The following RBPJ variants were observed in gnomAD, a reference collection of about 807,000 sequenced individuals.
RBPJ encodes the protein recombination signal binding protein for immunoglobulin kappa J region, also known as recombining binding protein suppressor of hairless.
In RBPJ, 9 loss-of-function variants were observed where a neutral mutation model predicts 67.8. The ratio of observed to expected loss-of-function variants is 0.13; its 90% CI spans 0.08 to 0.23. The LOEUF is 0.23. Ranked by LOEUF, RBPJ falls within the 10% of genes least tolerant of loss-of-function variation. RBPJ has a pLI of 1.00. For missense variants in RBPJ, 305 were observed against 595.6 expected (o/e 0.51, Z 5.08); for synonymous variants, 198 against 203.3 (o/e 0.97, Z 0.22).
At chr4:26,255,399 G>A (rs1264922791) in intron 1 of RBPJ, among the ~76,000 whole-genome samples, 6 of 68,496 alleles carry the variant, frequency 8.8e-5, no homozygotes, top group Non-Finnish European at 1.2e-4. Flanking sequence ...GCGAGACTCC[G>A]TCTCAAAAAA....
rs1718072022 is a variant in RBPJ, at chr4:26,203,770, G to A, written c.-167+40156G>A. On this transcript the variant is annotated intron_variant, in intron 1 of 4. Transcript: ENST00000512351. The stretch of plus-strand genomic sequence containing the variant: ...TGATCAGCAGCAATGGGGCCACGGA[G>A]GTTGGCCTTTAAGTAATTGCTTCAT... 2.0e-5 allele frequency among the ~76,000 whole-genome samples: 3 copies of A among 152,196 alleles called. 1 individual carries two copies. Among genetic ancestry groups the A allele is most frequent in the Admixed American group, 1.3e-4 (2 of 15,282 alleles).
intron 1 of RBPJ, among the ~76,000 whole-genome samples, chr4:26,210,779 C>CTT (rs1312687383): frequency 1.1e-5 from 1 of 90,050 alleles, no homozygotes; most frequent in Non-Finnish European, 2.4e-5. Flanking sequence ...TTCTTTCTTT[C>CTT]TTTCTTTCTT....
chr4:26,355,421 T>C (rs1169810903), intron 1 of RBPJ, among the ~76,000 whole-genome samples: 1 of 149,478 alleles, frequency 6.7e-6, no homozygotes, highest in East Asian at 2.0e-4. Context: ...AAGGCCAAGG[T>C]AGGATTGCAT....
chr4:26,319,082 T>C (rs1166565257), upstream of RBPJ, among the ~76,000 whole-genome samples: 1 of 150,146 alleles, frequency 6.7e-6, no homozygotes, highest in East Asian at 2.0e-4. Flanking sequence ...GTAAGCGAAG[T>C]AGTGGCCAGA....
At chr4:26,270,617 G>A (rs1226144801) in intron 1 of RBPJ, among the ~76,000 whole-genome samples, 3 of 151,900 alleles carry the variant, frequency 2.0e-5, no homozygotes, top group Non-Finnish European at 2.9e-5. Context: ...ATTAAGTATC[G>A]CAGGCACTAG....
chr4:26,355,251 G>A (rs1428187616), intron 1 of RBPJ, among the ~76,000 whole-genome samples: 1 of 152,042 alleles, frequency 6.6e-6, no homozygotes, highest in African/African-American at 2.4e-5. Flanking sequence ...ATTTTTTGTT[G>A]CATAGGCTGT....
intron 1 of RBPJ, among the ~76,000 whole-genome samples, chr4:26,376,152 AT>A (rs1427541516): frequency 4.6e-5 from 7 of 152,182 alleles, no homozygotes; most frequent in Non-Finnish European, 8.8e-5. Context: ...ATTTTAACCA[AT>A]TTTAAGTTTG....
Position 26,176,290 on chromosome 4 carries a change from A to C in RBPJ, c.-167+12676A>C, listed in dbSNP as rs375350980. Among the ~76,000 whole-genome samples, 8 of 152,306 alleles carry C rather than the reference A, an allele frequency of 5.3e-5. No homozygotes were observed. The East Asian group carries it at 1.2e-3, about 22-fold the overall frequency. ...AAGGCAGGGAAGATGGGTCTTATGG[A>C]GACAAAGCAACTTGCTTGTGAGTGA... is the stretch of plus-strand genomic sequence containing the variant. On this transcript the variant is annotated intron_variant, in intron 1 of 4. Coordinates refer to the RBPJ transcript ENST00000512351.
intron 1 of RBPJ, among the ~76,000 whole-genome samples, chr4:26,200,035 G>C (rs1241481837): frequency 1.3e-5 from 2 of 152,144 alleles, no homozygotes; most frequent in Non-Finnish European, 2.9e-5. Context: ...TTTCCACGTT[G>C]AGTTCTGCCA....
intron 1 of RBPJ, among the ~76,000 whole-genome samples, chr4:26,222,144 A>G (rs931063076): frequency 2.6e-5 from 4 of 152,172 alleles, no homozygotes; most frequent in Non-Finnish European, 5.9e-5. Context: ...AATCTCAGAA[A>G]TGTTCTTGCC....
At chr4:26,295,729 G>A (rs1189951985) in intron 1 of RBPJ, among the ~76,000 whole-genome samples, 1 of 152,152 alleles carries the variant, frequency 6.6e-6, no homozygotes, top group African/African-American at 2.4e-5. Flanking sequence ...TTTGGGACTT[G>A]GATGAGGGCC....
upstream of RBPJ, among the ~76,000 whole-genome samples, chr4:26,163,257 A>G (rs1286677737): frequency 3.3e-5 from 5 of 152,150 alleles, no homozygotes; most frequent in African/African-American, 1.2e-4. Flanking sequence ...GCATGCTGCT[A>G]TTAGTAAAAA....
At chr4:26,242,705 T>TAAAAAAA (rs1025631996) in intron 1 of RBPJ, among the ~76,000 whole-genome samples, 5 of 100,408 alleles carry the variant, frequency 5.0e-5, no homozygotes, top group East Asian at 2.8e-4. Context: ...CACTCATAGT[T>TAAAAAAA]AAAAAAAAAA....
At chr4:26,336,802 G>A (rs968340120) in intron 1 of RBPJ, among the ~76,000 whole-genome samples, 3 of 151,564 alleles carry the variant, frequency 2.0e-5, no homozygotes, top group Admixed American at 6.6e-5. Context: ...ATATAAAAAG[G>A]AAAAAACGTA....
intron 7 of RBPJ, among the ~76,000 whole-genome samples, chr4:26,427,805 T>C (rs1735827144): frequency 6.6e-6 from 1 of 152,156 alleles, no homozygotes; most frequent in Non-Finnish European, 1.5e-5. Flanking sequence ...CTTTTGATTT[T>C]GAGATGAGAG....
Position 26,430,112 on chromosome 4 carries a change from C to T in RBPJ, c.1044+59C>T, listed in dbSNP as rs768133879. The T allele has an allele frequency of 7.7e-6, 12 of 1,559,786 alleles. No homozygotes were observed. In the East Asian group the frequency reaches 2.5e-4, roughly 32 times the overall value. ...CTTTGCAGCTACTCTCAGCTGTGAC[C>T]TGGCATCATTTCATTTCATGGGAGT... On this transcript the variant is annotated intron_variant, in intron 9 of 10. Coordinates refer to ENST00000355476, the MANE Select transcript of RBPJ (RefSeq NM_015874.6). The surrounding 1 kb of genome is among the most constrained non-coding windows in gnomAD (Gnocchi z 4.1).
chr4:26,185,012 G>A (rs1717181057), intron 1 of RBPJ, among the ~76,000 whole-genome samples: 1 of 151,910 alleles, frequency 6.6e-6, no homozygotes, highest in South Asian at 2.1e-4. Flanking sequence ...TGTGGCATCA[G>A]GCACCTGTAA....
chr4:26,385,800 A>AT (rs902514585), intron 1 of RBPJ, among the ~76,000 whole-genome samples: 8 of 146,774 alleles, frequency 5.5e-5, no homozygotes, highest in South Asian at 4.3e-4. Context: ...TTATTTATTT[A>AT]TTTTTTTATT....
chr4:26,186,194 A>T (rs1195931562), intron 1 of RBPJ, among the ~76,000 whole-genome samples: 61 of 84,010 alleles, frequency 7.3e-4, no homozygotes, highest in African/African-American at 2.6e-3. Flanking sequence ...CTTTTTTTTA[A>T]AAAAAAAAAA....
Sources: gnomAD v4.1 joint callset for allele counts (sites outside exome capture counted in the v4.1 genomes callset) on GRCh38, gnomAD v4.1.1 for gene constraint, Gnocchi (gnomAD v3.1) non-coding constraint, MANE v1.5 for transcripts, NCBI Gene and HGNC (gene_info 2026-07-23, HGNC 2026-07-21) for gene names.